WWOX: variants seen among roughly 807,000 people sequenced by gnomAD.
The protein encoded by WWOX is WW domain containing oxidoreductase.
WWOX carries 69 observed loss-of-function variants against 46.2 expected under a neutral mutation model. That is an observed-to-expected ratio of 1.49 (90% CI 1.23 to 1.82). The LOEUF (loss-of-function observed/expected upper bound fraction) is 1.82, where lower values mean the gene tolerates loss of function less well. Ranked by LOEUF, WWOX falls within the 40% of genes most tolerant of loss-of-function variation. WWOX has a pLI of 0.00. For synonymous variants in WWOX, 359 were observed against 202.6 expected (o/e 1.77, Z -6.56); for missense variants, 919 against 542.6 (o/e 1.69, Z -6.89).
intron 8 of WWOX, among the ~76,000 whole-genome samples, chr16:78,438,828 G>A (rs1203107666): frequency 2.6e-5 from 4 of 152,196 alleles, no homozygotes; most frequent in South Asian, 2.1e-4. Flanking sequence ...TGGATGGGCC[G>A]GCAATGCTGG....
chr16:78,198,392 A>G (rs2036124544), intron 5 of WWOX, among the ~76,000 whole-genome samples: 1 of 152,180 alleles, frequency 6.6e-6, no homozygotes, highest in Non-Finnish European at 1.5e-5. Flanking sequence ...AAAAAAATCC[A>G]GTGTTATAGG....
At chr16:78,591,180 T>A (rs1228850808) in intron 8 of WWOX, among the ~76,000 whole-genome samples, 1 of 152,196 alleles carries the variant, frequency 6.6e-6, no homozygotes, top group Non-Finnish European at 1.5e-5. Flanking sequence ...TTTTAGCACT[T>A]CCAGACATTA....
chr16:78,390,673 C>T (rs978102728), intron 6 of WWOX, among the ~76,000 whole-genome samples: 2 of 152,134 alleles, frequency 1.3e-5, no homozygotes, highest in South Asian at 2.1e-4. Context: ...GCAGGTCTTT[C>T]GATTCTGACA....
chr16:78,522,111 A>G (rs879711547), intron 8 of WWOX, among the ~76,000 whole-genome samples: 4 of 151,280 alleles, frequency 2.6e-5, no homozygotes, highest in Non-Finnish European at 5.9e-5. Context: ...ATACAAGGGA[A>G]TATGGAGGAG....
At chr16:78,578,093 C>G (rs1410713235) in intron 8 of WWOX, among the ~76,000 whole-genome samples, 1 of 151,390 alleles carries the variant, frequency 6.6e-6, no homozygotes, top group East Asian at 1.9e-4. Context: ...TCCGAAAGTA[C>G]TTAGATACTG....
intron 8 of WWOX, among the ~76,000 whole-genome samples, chr16:78,434,257 G>C (rs1222547791): frequency 6.6e-6 from 1 of 152,162 alleles, no homozygotes; most frequent in Non-Finnish European, 1.5e-5. Context: ...AGGACCTACG[G>C]AGAATGGTGT....
chr16:78,509,953 T>A (rs528059537), intron 8 of WWOX, among the ~76,000 whole-genome samples: 21 of 149,762 alleles, frequency 1.4e-4, no homozygotes, highest in African/African-American at 4.9e-4. Flanking sequence ...AAAGAAAAAT[T>A]AGCTGGCATG....
At chr16:78,381,707 T>C (rs1266617317) in intron 5 of WWOX, among the ~76,000 whole-genome samples, 1 of 152,182 alleles carries the variant, frequency 6.6e-6, no homozygotes, top group Non-Finnish European at 1.5e-5. Flanking sequence ...GATTCAGTGA[T>C]CTCAGAACCT....
At chr16:78,415,355 T>C (rs2151952620) in intron 6 of WWOX, among the ~76,000 whole-genome samples, 1 of 152,156 alleles carries the variant, frequency 6.6e-6, no homozygotes, top group Middle Eastern at 3.4e-3. Flanking sequence ...CCATCTTTGT[T>C]TTGGTGGGTT....
intron 5 of WWOX, among the ~76,000 whole-genome samples, chr16:78,164,698 G>A (rs1020680255): frequency 2.8e-4 from 43 of 152,104 alleles, no homozygotes; most frequent in African/African-American, 1.0e-3. Context: ...ATGTTGATAC[G>A]TGTCTACATA....
intron 8 of WWOX, among the ~76,000 whole-genome samples, chr16:78,617,669 G>C (rs562409101): frequency 6.6e-6 from 1 of 152,052 alleles, no homozygotes; most frequent in African/African-American, 2.4e-5. Flanking sequence ...CTTGCATGGC[G>C]CTCAGGTATT....
At chr16:78,152,168 C>CGACA (rs1261011631) in intron 4 of WWOX, among the ~76,000 whole-genome samples, 2 of 147,890 alleles carry the variant, frequency 1.4e-5, no homozygotes, top group African/African-American at 5.0e-5. Flanking sequence ...CCAGCCTGGG[C>CGACA]GACAGAGCGA....
At chr16:79,186,485 C>G (rs777728512) in intron 8 of WWOX, among the ~76,000 whole-genome samples, 1 of 152,164 alleles carries the variant, frequency 6.6e-6, no homozygotes, top group Non-Finnish European at 1.5e-5. Context: ...ATCTCTTCTC[C>G]TTTGTTATCA....
intron 8 of WWOX, among the ~76,000 whole-genome samples, chr16:78,594,046 G>C (rs994887390): frequency 6.6e-6 from 1 of 152,132 alleles, no homozygotes; most frequent in African/African-American, 2.4e-5. Context: ...TCGTGAGGCG[G>C]AGATGTGAGA....
intron 5 of WWOX, among the ~76,000 whole-genome samples, chr16:78,299,273 A>T (rs945604402): frequency 3.9e-5 from 6 of 152,138 alleles, no homozygotes; most frequent in Non-Finnish European, 4.4e-5. Flanking sequence ...CTCTAATCTC[A>T]GGAGTGAGTG....
At chr16:78,613,792 C>T (rs528662350) in intron 8 of WWOX, among the ~76,000 whole-genome samples, 2 of 152,028 alleles carry the variant, frequency 1.3e-5, no homozygotes, top group African/African-American at 4.8e-5. Flanking sequence ...CTTTGGGGGC[C>T]GGATGTGTTT....
At chr16:78,724,212 G>A (rs2048769573) in intron 8 of WWOX, among the ~76,000 whole-genome samples, 1 of 152,128 alleles carries the variant, frequency 6.6e-6, no homozygotes, top group African/African-American at 2.4e-5. Flanking sequence ...TCTTTAGTGA[G>A]TACCTGTCAC....
intron 4 of WWOX, among the ~76,000 whole-genome samples, chr16:78,118,026 T>C (rs189972027): frequency 7.5e-6 from 1 of 132,552 alleles, no homozygotes; most frequent in African/African-American, 2.7e-5. Flanking sequence ...CCAGTGGTTC[T>C]TTCTTTCTTT....
chr16:78,200,566 A>G lies in WWOX; in HGVS notation c.516+36277A>G, dbSNP rs147213345. On this transcript the variant is annotated intron_variant, in intron 5 of 8. Coordinates refer to ENST00000566780, the MANE Select transcript of WWOX (RefSeq NM_016373.4). Reference sequence around the variant, plus strand: ...AAAAATTTTTAATATCATCATTATTACTGTGCTTTCCCTTGAGTTTTTTTT... The same window carrying G: ...AAAAATTTTTAATATCATCATTATTGCTGTGCTTTCCCTTGAGTTTTTTTT... 6.6e-5 allele frequency among the ~76,000 whole-genome samples: 10 copies of G among 150,640 alleles called. No individual in the cohort carries two copies. The East Asian group carries it at 1.9e-3, about 29-fold the overall frequency.
Sources: allele counts gnomAD v4.1 joint callset (sites outside exome capture counted in the v4.1 genomes callset), GRCh38; gene constraint gnomAD v4.1.1; transcripts MANE v1.5; gene names NCBI Gene and HGNC (gene_info 2026-07-23, HGNC 2026-07-21).